Variants in BMP8B observed in about 807,000 individuals in gnomAD.
BMP8B encodes the protein bone morphogenetic protein 8 (osteogenic protein 2).
In BMP8B, 17 loss-of-function variants were observed where a neutral mutation model predicts 30.3. The ratio of observed to expected loss-of-function variants is 0.56; its 90% CI spans 0.38 to 0.84. The LOEUF is 0.84. BMP8B is among the 40% of genes least tolerant of loss of function. The pLI, the probability that BMP8B is intolerant of heterozygous loss-of-function variation, is 0.00. For synonymous variants in BMP8B, 131 were observed against 214.7 expected (o/e 0.61, Z 3.41); for missense variants, 253 against 494.6 (o/e 0.51, Z 4.63).
At chr1:39,774,809 TG>T in intron 2 of BMP8B, 39 bp downstream of exon 2, 1 of 515,912 alleles carries the variant, frequency 1.9e-6, no homozygotes, top group Non-Finnish European at 3.3e-6. Context: ...GACTGTGAGG[TG>T]GGGGGTTAGG....
intron 1 of BMP8B, among the ~76,000 whole-genome samples, chr1:39,780,865 C>T (rs1650589513): frequency 6.6e-6 from 1 of 152,196 alleles, no homozygotes; most frequent in African/African-American, 2.4e-5. Flanking sequence ...CACTGCACTC[C>T]AGCCTGGGTG....
intron 3 of BMP8B, chr1:39,770,611 G>C (rs1270285099): frequency 1.0e-5 from 16 of 1,590,284 alleles, no homozygotes; most frequent in Non-Finnish European, 1.4e-5. Context: ...CTGCCCGGTC[G>C]GCCTTCCACC....
At chr1:39,762,305 G>A (rs1471751511) in intron 6 of BMP8B, 1 of 521,994 alleles carries the variant, frequency 1.9e-6, no homozygotes, top group East Asian at 3.5e-5. Context: ...GGGCTCGTGT[G>A]CTGCGATTAC....
At chr1:39,766,454 T>C (rs1649622041) in intron 3 of BMP8B, among the ~76,000 whole-genome samples, 2 of 111,246 alleles carry the variant, frequency 1.8e-5, no homozygotes, top group South Asian at 5.9e-4. Context: ...TATTCCTACG[T>C]AGTTCTCCAG....
chr1:39,762,999 G>A (rs1422291140), intron 6 of BMP8B, 93 bp downstream of exon 6: 3 of 1,457,552 alleles, frequency 2.1e-6, no homozygotes, highest in Non-Finnish European at 2.9e-6. Flanking sequence ...CGCGGAGCAG[G>A]TGGCCTCACT....
chr1:39,777,757 C>T (rs1650328049), intron 1 of BMP8B, among the ~76,000 whole-genome samples: 1 of 152,230 alleles, frequency 6.6e-6, no homozygotes, highest in South Asian at 2.1e-4. Context: ...TCAGACCCTC[C>T]CCAGCCCTGA....
intron 1 of BMP8B, among the ~76,000 whole-genome samples, chr1:39,783,079 C>T (rs1650761515): frequency 6.6e-6 from 1 of 152,088 alleles, no homozygotes; most frequent in Non-Finnish European, 1.5e-5. Flanking sequence ...CATTATTATC[C>T]CAGTTTTAAA....
intron 1 of BMP8B, among the ~76,000 whole-genome samples, chr1:39,786,983 A>C (rs532859678): frequency 6.6e-6 from 1 of 152,308 alleles, no homozygotes; most frequent in South Asian, 2.1e-4. Flanking sequence ...ACTCCTCAGA[A>C]AGGTCTCTGC....
intron 3 of BMP8B, chr1:39,771,039 G>C: frequency 6.6e-7 from 1 of 1,517,960 alleles, no homozygotes; most frequent in Non-Finnish European, 8.9e-7. Flanking sequence ...GCGGCGATCA[G>C]GTTCTCGGGG....
At chr1:39,770,650 G>C in intron 3 of BMP8B, 1 of 1,518,424 alleles carries the variant, frequency 6.6e-7, no homozygotes, top group Non-Finnish European at 8.9e-7. Context: ...CTGCCCGGAT[G>C]GCGCGCTCCA....
chr1:39,759,243 T>C lies in BMP8B; in HGVS notation c.*1176A>G, dbSNP rs1388462780. On this transcript the variant is annotated 3_prime_UTR_variant, in exon 7 of 7. Transcript: ENST00000372827. ...TTGTCACTCCCTGAAAAGGACCTTT[T>C]CTTTGACTCACAGGCCCAAGACACA... 1 of 152,316 alleles carries C rather than the reference T, an allele frequency of 6.6e-6. No individual in the cohort carries two copies. Among genetic ancestry groups the C allele is most frequent in the African/African-American group, 2.4e-5 (1 of 41,462 alleles). 9.4% of individuals were successfully genotyped at this position (152,316 alleles called of 1,614,324 possible).
chr1:39,779,164 G>A (rs1650442921), intron 1 of BMP8B, among the ~76,000 whole-genome samples: 1 of 152,192 alleles, frequency 6.6e-6, no homozygotes, highest in Non-Finnish European at 1.5e-5. Context: ...ACAGACACCC[G>A]AGAATGCCCG....
chr1:39,770,532 C>T, intron 3 of BMP8B: 1 of 1,610,144 alleles, frequency 6.2e-7, no homozygotes, highest in Non-Finnish European at 8.5e-7. Context: ...ACCTCCACCG[C>T]CGTGACGTCT....
At position 39,770,306 on chromosome 1, in the gene BMP8B, T is replaced by C. The variant is rs141231524; in HGVS notation, c.673+4002A>G. The C allele has an allele frequency of 6.2e-5, 98 of 1,582,626 alleles. 1 individual carries two copies. The highest frequency in any genetic ancestry group is 2.1e-4 in the African/African-American group (13 of 63,074). On this transcript the variant is annotated intron_variant, in intron 3 of 6. Coordinates refer to ENST00000372827, the MANE Select transcript of BMP8B (RefSeq NM_001720.5). ...CAGCAGGGGGATGCCTATGCCCAGATTGGCGTACATGCCGTCCTCAAATTC... is the reference window on the plus strand; with the variant it reads ...CAGCAGGGGGATGCCTATGCCCAGACTGGCGTACATGCCGTCCTCAAATTC...
At chr1:39,776,580 G>C (rs1380111442) in intron 1 of BMP8B, among the ~76,000 whole-genome samples, 1 of 152,186 alleles carries the variant, frequency 6.6e-6, no homozygotes, top group Non-Finnish European at 1.5e-5. Context: ...CAGCTGTGCG[G>C]GGCAGGGGAT....
intron 3 of BMP8B, chr1:39,770,699 G>A: frequency 1.5e-6 from 2 of 1,301,854 alleles, no homozygotes; most frequent in Non-Finnish European, 2.1e-6. Context: ...CACCTCTCGG[G>A]GCTGGCTCAT....
chr1:39,776,309 CT>C, intron 1 of BMP8B, among the ~76,000 whole-genome samples: 1 of 152,184 alleles, frequency 6.6e-6, no homozygotes, highest in Non-Finnish European at 1.5e-5. Context: ...GGCAGTCTCA[CT>C]TTAGCCTCCC....
At chr1:39,775,870 C>G (rs1380116408) in intron 1 of BMP8B, among the ~76,000 whole-genome samples, 2 of 152,082 alleles carry the variant, frequency 1.3e-5, no homozygotes, top group African/African-American at 4.8e-5. Flanking sequence ...GGGATCTGAG[C>G]AGGTGGCATC....
At chr1:39,777,570 C>T (rs372622835) in intron 1 of BMP8B, among the ~76,000 whole-genome samples, 3 of 152,228 alleles carry the variant, frequency 2.0e-5, no homozygotes, top group African/African-American at 4.8e-5. Flanking sequence ...CCAAACTCTG[C>T]GACCCTCAGC....
Sources: allele counts gnomAD v4.1 joint callset (sites outside exome capture counted in the v4.1 genomes callset), GRCh38; gene constraint gnomAD v4.1.1; transcripts MANE v1.5; gene names NCBI Gene and HGNC (gene_info 2026-07-23, HGNC 2026-07-21).